NEGR1: variants seen among roughly 807,000 people sequenced by gnomAD.
NEGR1 encodes IgLON family member 4.
NEGR1 carries 10 observed loss-of-function variants against 40.9 expected under a neutral mutation model. That is an observed-to-expected ratio of 0.24 (90% CI 0.15 to 0.42). The LOEUF (loss-of-function observed/expected upper bound fraction) is 0.42. Ranked by LOEUF, NEGR1 falls within the 10% of genes least tolerant of loss-of-function variation. NEGR1 has a pLI of 1.00. For missense variants in NEGR1, 352 were observed against 438.9 expected, an observed-to-expected ratio of 0.80 and a Z score of 1.77; for synonymous variants, 185 against 166.8, an observed-to-expected ratio of 1.11 and a Z score of -0.84.
chr1:71,548,762 A>G (rs1647982779), intron 6 of NEGR1, among the ~76,000 whole-genome samples: 1 of 151,716 alleles, frequency 6.6e-6, no homozygotes, highest in South Asian at 2.1e-4. Context: ...CGGCTTTAAG[A>G]GCCCTGGGGT....
intron 1 of NEGR1, among the ~76,000 whole-genome samples, chr1:71,949,844 A>G (rs911262962): frequency 3.9e-5 from 6 of 152,128 alleles, no homozygotes; most frequent in African/African-American, 1.4e-4. Context: ...TAGCCTTGAC[A>G]CACTGAAAGG....
intron 2 of NEGR1, among the ~76,000 whole-genome samples, chr1:71,868,158 C>T (rs1487844604): frequency 1.3e-5 from 2 of 152,076 alleles, no homozygotes; most frequent in African/African-American, 4.8e-5. Context: ...ATATAAATCT[C>T]TCCAGCGTGT....
intron 1 of NEGR1, among the ~76,000 whole-genome samples, chr1:71,988,316 G>A (rs1490604749): frequency 1.3e-5 from 2 of 152,054 alleles, no homozygotes; most frequent in Admixed American, 1.3e-4. Flanking sequence ...GAGGCGGGTG[G>A]ATTATGAGGT....
At chr1:71,492,233 G>A (rs17091285) in intron 6 of NEGR1, among the ~76,000 whole-genome samples, 5,834 of 152,156 alleles carry the variant, frequency 0.038, 205 homozygotes, top group African/African-American at 0.088. Flanking sequence ...GCAAGTAAGA[G>A]TTTCAGGTAT....
At chr1:71,600,595 C>G (rs1314605717) in intron 5 of NEGR1, among the ~76,000 whole-genome samples, 2 of 152,038 alleles carry the variant, frequency 1.3e-5, no homozygotes, top group Non-Finnish European at 2.9e-5. Flanking sequence ...TGTGAAGAGG[C>G]CTGAAAGAGA....
chr1:72,240,652 C>G (rs1464831126), intron 1 of NEGR1, among the ~76,000 whole-genome samples: 2 of 151,818 alleles, frequency 1.3e-5, no homozygotes, highest in African/African-American at 2.4e-5. Context: ...ATCATGACAA[C>G]AGTGTTTTGA....
chr1:71,819,797 GA>G (rs1223332924), intron 2 of NEGR1, among the ~76,000 whole-genome samples: 1 of 152,008 alleles, frequency 6.6e-6, no homozygotes, highest in Non-Finnish European at 1.5e-5. Flanking sequence ...GGAGGAAAGG[GA>G]TAACAGGGTC....
At chr1:71,799,144 A>G (rs1159953373) in intron 2 of NEGR1, among the ~76,000 whole-genome samples, 1 of 151,792 alleles carries the variant, frequency 6.6e-6, no homozygotes, top group African/African-American at 2.4e-5. Context: ...TGCTGCACCC[A>G]TCAACCCGTC....
chr1:71,467,646 T>G (rs1646755601), intron 6 of NEGR1, among the ~76,000 whole-genome samples: 1 of 152,102 alleles, frequency 6.6e-6, no homozygotes, highest in Non-Finnish European at 1.5e-5. Flanking sequence ...AGACATTAGC[T>G]GAATCATTAA....
intron 2 of NEGR1, among the ~76,000 whole-genome samples, chr1:71,867,777 G>A (rs1001290548): frequency 6.6e-6 from 1 of 151,924 alleles, no homozygotes; most frequent in East Asian, 1.9e-4. Context: ...GAAGTAACTA[G>A]GTATTCTTTG....
chr1:72,251,450 T>C (rs940755180), intron 1 of NEGR1, among the ~76,000 whole-genome samples: 3 of 152,178 alleles, frequency 2.0e-5, no homozygotes, highest in African/African-American at 7.2e-5. Context: ...ACAAATTATG[T>C]CATCCCTCGG....
chr1:71,883,732 C>G (rs1483052446), intron 2 of NEGR1, among the ~76,000 whole-genome samples: 6 of 124,328 alleles, frequency 4.8e-5, no homozygotes, highest in African/African-American at 1.5e-4. Context: ...CCCCTCCCCC[C>G]ACCCCACGAC....
intron 1 of NEGR1, among the ~76,000 whole-genome samples, chr1:71,938,410 GTTTTT>G (rs571760372): frequency 2.7e-5 from 3 of 109,894 alleles, no homozygotes; most frequent in Non-Finnish European, 3.7e-5. Flanking sequence ...ATGTGTAGGT[GTTTTT>G]TTTTTTTTTT....
At chr1:71,920,463 G>A (rs1330010086) in intron 2 of NEGR1, among the ~76,000 whole-genome samples, 2 of 152,068 alleles carry the variant, frequency 1.3e-5, no homozygotes, top group Admixed American at 6.6e-5. Context: ...CACCCCAAAA[G>A]CTGGGTATGA....
Position 71,477,710 on chromosome 1 carries a change from C to T in NEGR1, c.941-70140G>A, listed in dbSNP as rs1646830335. 2.0e-5 allele frequency among the ~76,000 whole-genome samples: 3 copies of T among 151,956 alleles called. No homozygotes were observed. In the South Asian group the frequency reaches 6.2e-4, roughly 32 times the overall value. ...AAGAGTGGGTTTGTAGAAGGTAAAT[C>T]TCTTGCTTGAAACTCCGTGGCCCTT... On this transcript the variant is annotated intron_variant, in intron 6 of 6. Coordinates refer to ENST00000357731, the MANE Select transcript of NEGR1 (RefSeq NM_173808.3).
chr1:71,721,132 A>G (rs1350872858), intron 3 of NEGR1, among the ~76,000 whole-genome samples: 1 of 152,202 alleles, frequency 6.6e-6, no homozygotes, highest in East Asian at 1.9e-4. Context: ...TTCATAAGCT[A>G]TGAAAATAAT....
At chr1:71,858,281 A>G (rs79290989) in intron 2 of NEGR1, among the ~76,000 whole-genome samples, 2,006 of 152,140 alleles carry the variant, frequency 0.013, 21 homozygotes, top group Admixed American at 0.021. Context: ...ATTCCTTTCT[A>G]AAACTCAGAT....
At chr1:71,410,339 C>G (rs780442769) in intron 6 of NEGR1, among the ~76,000 whole-genome samples, 1 of 152,030 alleles carries the variant, frequency 6.6e-6, no homozygotes, top group Admixed American at 6.6e-5. Context: ...TGTCAAGTTA[C>G]ATGTCACCAG....
chr1:71,453,648 C>A (rs1416807235), intron 6 of NEGR1, among the ~76,000 whole-genome samples: 3 of 152,134 alleles, frequency 2.0e-5, no homozygotes, highest in Non-Finnish European at 4.4e-5. Flanking sequence ...ATAATGCCAG[C>A]AGCTTTTTCA....
Sources: allele counts gnomAD v4.1 joint callset (sites outside exome capture counted in the v4.1 genomes callset), GRCh38; gene constraint gnomAD v4.1.1; transcripts MANE v1.5; gene names NCBI Gene and HGNC (gene_info 2026-07-23, HGNC 2026-07-21).